Variants in PCDHA6 observed in about 807,000 individuals in gnomAD.
The protein encoded by PCDHA6 is protocadherin alpha-6.
In PCDHA6, 55 loss-of-function variants were observed where a neutral mutation model predicts 60.3. The observed-to-expected ratio is 0.91, with a 90% CI of 0.73 to 1.14. The LOEUF is 1.14. PCDHA6 is among the 50% of genes most tolerant of loss of function. The pLI is 0.00. For missense variants in PCDHA6, 1,327 were observed against 1,256.5 expected, an observed-to-expected ratio of 1.06 and a Z score of -0.85; for synonymous variants, 652 against 557.9, an observed-to-expected ratio of 1.17 and a Z score of -2.38.
At chr5:140,833,124 A>G (rs1436920350) in intron 1 of PCDHA6, among the ~76,000 whole-genome samples, 1 of 152,250 alleles carries the variant, frequency 6.6e-6, no homozygotes, top group Non-Finnish European at 1.5e-5. Flanking sequence ...AGTCATTTGA[A>G]AGCTGTCAAA....
At chr5:140,842,201 A>G (rs2150331632) in intron 1 of PCDHA6, 2 of 1,613,740 alleles carry the variant, frequency 1.2e-6, no homozygotes, top group East Asian at 2.2e-5. Context: ...TGACCACTTT[A>G]GCATAGATCG....
At chr5:140,874,958 A>G (rs2055195313) in intron 1 of PCDHA6, among the ~76,000 whole-genome samples, 1 of 152,242 alleles carries the variant, frequency 6.6e-6, no homozygotes, top group South Asian at 2.1e-4. Flanking sequence ...TGTAAGCTAT[A>G]TAAGGGGAGG....
In PCDHA6 at chr5:140,862,844, C is replaced by T. The variant is rs782433146; in HGVS notation, c.2394+32359C>T. 8 of 571,262 alleles carry T rather than the reference C, an allele frequency of 1.4e-5. No homozygotes were observed. In the East Asian group the frequency reaches 3.8e-4, roughly 27 times the overall value. The allele number at this position is 571,262 out of a possible 1,614,324, so 35.4% of individuals were successfully genotyped here. ...AGAGCGCGCGACGCGGGCATGCCGC[C>T]TCTGAGCAGCAATGTGACGCTGCCA... is the stretch of plus-strand genomic sequence containing the variant. On this transcript the variant is annotated intron_variant, in intron 1 of 3. Coordinates refer to ENST00000529310, the MANE Select transcript of PCDHA6 (RefSeq NM_018909.4).
chr5:140,909,719 C>T (rs2074652522), intron 1 of PCDHA6, among the ~76,000 whole-genome samples: 1 of 152,130 alleles, frequency 6.6e-6, no homozygotes, highest in Non-Finnish European at 1.5e-5. Flanking sequence ...ATACCTATGC[C>T]AATTATGCAT....
Position 140,850,689 on chromosome 5 carries a change from T to G in PCDHA6, c.2394+20204T>G, listed in dbSNP as rs1554144776. On this transcript the variant is annotated intron_variant, in intron 1 of 3. Coordinates refer to ENST00000529310, the MANE Select transcript of PCDHA6 (RefSeq NM_018909.4). ...CTCGGCGATGCCCACCGAGGGCGAG[T>G]GCGCGCCTGGCAAGCCGACGCTGGT... The G allele has an allele frequency of 2.5e-6, 4 of 1,594,816 alleles. No individual in the cohort carries two copies. In the South Asian group the frequency reaches 3.3e-5, roughly 13 times the overall value.
intron 1 of PCDHA6, chr5:140,869,160 C>G (rs201759355): frequency 6.2e-7 from 1 of 1,613,768 alleles, no homozygotes; most frequent in African/African-American, 1.3e-5. Flanking sequence ...TCTGGCTTCT[C>G]CTCCTCGAAT....
At chr5:140,949,234 A>C (rs2094354068) in intron 1 of PCDHA6, among the ~76,000 whole-genome samples, 1 of 151,820 alleles carries the variant, frequency 6.6e-6, no homozygotes, top group South Asian at 2.1e-4. Flanking sequence ...TCTGTGGCCC[A>C]GCAACAGTCT....
chr5:140,872,442 C>T (rs1443444144), intron 1 of PCDHA6, among the ~76,000 whole-genome samples: 1 of 152,070 alleles, frequency 6.6e-6, no homozygotes, highest in Non-Finnish European at 1.5e-5. Context: ...GCCTGGACAA[C>T]ATAGCGAGAT....
chr5:140,871,071 G>C (rs1554165077), intron 1 of PCDHA6: 2 of 1,613,188 alleles, frequency 1.2e-6, no homozygotes, highest in East Asian at 2.2e-5. Context: ...ACGGTGAGCC[G>C]GCGCTGACGG....
At chr5:141,000,900 G>T (rs1020896392) in intron 3 of PCDHA6, among the ~76,000 whole-genome samples, 4 of 151,614 alleles carry the variant, frequency 2.6e-5, no homozygotes, top group African/African-American at 9.7e-5. Context: ...AGATATAGAC[G>T]CTGTCTCTAA....
In PCDHA6 at chr5:140,830,066, C is replaced by T; in HGVS notation, c.1975C>T (p.Leu659=). ...VLVKDHGEPA[L]TATATVLVSL... is the part of the protein sequence containing the mutation. ...GGTGAAAGACCACGGTGAGCCGGCG[C>T]TGACAGCGACGGCCACGGTTCTGGT... Residue 659 remains leucine (L), a synonymous_variant, in exon 1 of 4, where the codon CTG becomes TTG. Transcript: ENST00000529310. 6.2e-7 allele frequency: 1 copy of T among 1,613,706 alleles called. No homozygotes were observed. The highest frequency in any genetic ancestry group is 1.3e-5 in the African/African-American group (1 of 75,054).
At chr5:140,938,133 A>G (rs2091933876) in intron 1 of PCDHA6, among the ~76,000 whole-genome samples, 1 of 152,268 alleles carries the variant, frequency 6.6e-6, no homozygotes, top group South Asian at 2.1e-4. Context: ...AAAAATAGAG[A>G]TAGAGTCTCA....
At chr5:140,935,486 A>C (rs1554210536) in intron 1 of PCDHA6, among the ~76,000 whole-genome samples, 1 of 152,228 alleles carries the variant, frequency 6.6e-6, no homozygotes, top group East Asian at 1.9e-4. Context: ...CTTTTCATTT[A>C]TAAGGCACAT....
chr5:140,942,617 TG>T (rs1223896117), intron 1 of PCDHA6, among the ~76,000 whole-genome samples: 4 of 100,138 alleles, frequency 4.0e-5, no homozygotes, highest in Admixed American at 9.6e-5. Flanking sequence ...ATTTGCCAAT[TG>T]TAAAAAAAAA....
At chr5:140,870,643 G>T (rs782549928) in intron 1 of PCDHA6, 6 of 1,612,796 alleles carry the variant, frequency 3.7e-6, no homozygotes, top group Non-Finnish European at 5.1e-6. Flanking sequence ...CGCGGAGAGC[G>T]GCAAGGTGTA....
At position 140,916,547 on chromosome 5, in the gene PCDHA6, T is replaced by A. The variant is rs541671578; in HGVS notation, c.2395-62402T>A. On this transcript the variant is annotated intron_variant, in intron 1 of 3. Transcript: ENST00000529310. ...TCCTTCCCACCAAGGCAATGGGTTT[T>A]CTATTTGTCCAGGGTGTGTCTAGAA... Among the ~76,000 whole-genome samples the A allele has an allele frequency of 2.0e-4, 31 of 152,324 alleles. 1 individual carries two copies. Among genetic ancestry groups the A allele is most frequent in the Non-Finnish European group, 3.4e-4 (23 of 68,020 alleles).
chr5:140,982,416 A>C, intron 2 of PCDHA6, 59 bp from the exon 3 acceptor site: 1 of 1,610,294 alleles, frequency 6.2e-7, no homozygotes, highest in Non-Finnish European at 8.5e-7. Context: ...TGAGGGTGGA[A>C]GAAGAGATGG....
rs183786609 is a variant in PCDHA6, at chr5:140,896,576, C to T, written c.2394+66091C>T. ...ATTTTAAGTAGAGATGGGGTTTTGA[C>T]GTGTTGGCCAGGCTGGTCTCGAACT... On this transcript the variant is annotated intron_variant, in intron 1 of 3. Transcript: ENST00000529310. Among the ~76,000 whole-genome samples the T allele has an allele frequency of 3.4e-4, 51 of 151,254 alleles. No individual in the cohort carries two copies. The East Asian group carries it at 4.9e-3, about 14-fold the overall frequency.
chr5:140,857,133 C>T, intron 1 of PCDHA6: 3 of 1,598,212 alleles, frequency 1.9e-6, no homozygotes, highest in South Asian at 1.1e-5. Flanking sequence ...AAAGAAGATG[C>T]TCAAGTGGGC....
Sources: allele counts gnomAD v4.1 joint callset (sites outside exome capture counted in the v4.1 genomes callset), GRCh38; gene constraint gnomAD v4.1.1; transcripts MANE v1.5; gene names NCBI Gene and HGNC (gene_info 2026-07-23, HGNC 2026-07-21).